Variants in EPHX1 observed in about 807,000 individuals in gnomAD.
EPHX1 encodes the protein epoxide hydratase.
Under a neutral mutation model 43.2 loss-of-function variants are expected in EPHX1, and 40 were observed. That is an observed-to-expected ratio of 0.93 (90% CI 0.72 to 1.21). The LOEUF is 1.21. EPHX1 is among the 50% of genes most tolerant of loss of function. The pLI is 0.00. For synonymous variants in EPHX1, 221 were observed against 226.7 expected, an observed-to-expected ratio of 0.98 and a Z score of 0.22; for missense variants, 550 against 570.4, an observed-to-expected ratio of 0.96 and a Z score of 0.36.
intron 2 of EPHX1, 87 bp downstream of exon 2, chr1:225,828,999 G>A: frequency 1.4e-6 from 2 of 1,447,546 alleles, no homozygotes; most frequent in South Asian, 1.2e-5. Flanking sequence ...AGATGCGGGA[G>A]GGGACGGGGG....
In EPHX1 at chr1:225,833,765, A is replaced by G. The variant is rs1044468646; in HGVS notation, c.364+1806A>G. Among the ~76,000 whole-genome samples the G allele has an allele frequency of 2.1e-5, 3 of 144,764 alleles. No individual in the cohort carries two copies. The Admixed American group carries it at 2.2e-4, about 10-fold the overall frequency. The allele number at this position is 144,764 out of a possible 152,430, so 95.0% of individuals were successfully genotyped here. A position where few individuals can be genotyped will look rare whatever the true frequency, so the allele number is the denominator to read the frequency against. ...AGCTGAGATCACACCACTGCACTCC[A>G]GCCTGGGCGACAGAATGAGACTCTG... is the stretch of plus-strand genomic sequence containing the variant. On this transcript the variant is annotated intron_variant, in intron 3 of 8. Coordinates refer to ENST00000272167, the MANE Select transcript of EPHX1 (RefSeq NM_001136018.4).
intron 2 of EPHX1, 34 bp from the exon 3 acceptor site, chr1:225,831,744 TC>T: frequency 6.2e-7 from 1 of 1,609,316 alleles, no homozygotes; most frequent in Non-Finnish European, 8.5e-7. Context: ...GTCCTTCCCA[TC>T]CCTCTCAACT....
At chr1:225,844,376 C>A in intron 7 of EPHX1, 122 bp from the exon 8 acceptor site, 2 of 1,455,906 alleles carry the variant, frequency 1.4e-6, no homozygotes, top group Non-Finnish European at 1.9e-6. Context: ...ACACACGTTG[C>A]ATGAGGTCTG....
intron 1 of EPHX1, among the ~76,000 whole-genome samples, chr1:225,823,952 G>A (rs571092773): frequency 6.6e-5 from 10 of 152,224 alleles, no homozygotes; most frequent in Admixed American, 3.3e-4. Context: ...ACATAAAGCC[G>A]CAGCCCTGGC....
In EPHX1 at chr1:225,842,435, A is replaced by G. The variant is rs377753818; in HGVS notation, c.1001A>G (p.Asn334Ser). ...YILEKFSTWT[N>S]TEFRYLEDGG... ...CTAGAGAAGTTTTCCACCTGGACCA[A>G]TACGGAATTCCGATACCTGGAGGAT... Residue 334 changes from asparagine to serine, a missense_variant, in exon 7 of 9, where the codon AAT (asparagine) becomes AGT (serine). Coordinates refer to ENST00000272167, the MANE Select transcript of EPHX1 (RefSeq NM_001136018.4). The G allele has an allele frequency of 2.0e-5, 32 of 1,613,964 alleles. No individual in the cohort carries two copies. Among genetic ancestry groups the G allele is most frequent in the African/African-American group, 9.3e-5 (7 of 74,922 alleles).
intron 1 of EPHX1, among the ~76,000 whole-genome samples, chr1:225,827,530 G>A (rs766577386): frequency 5.9e-5 from 9 of 152,288 alleles, no homozygotes; most frequent in Middle Eastern, 6.8e-3. Flanking sequence ...GATCAAAAAA[G>A]ACACAGGAGT....
chr1:225,844,053 TTAA>T (rs1268345520), intron 7 of EPHX1, among the ~76,000 whole-genome samples: 1 of 152,086 alleles, frequency 6.6e-6, no homozygotes, highest in East Asian at 1.9e-4. Context: ...GATTCTCCAC[TTAA>T]TAAGTAAAAT....
intron 5 of EPHX1, among the ~76,000 whole-genome samples, 162 bp downstream of exon 5, chr1:225,839,508 C>T (rs1277248446): frequency 2.0e-5 from 3 of 152,026 alleles, no homozygotes; most frequent in African/African-American, 7.3e-5. Context: ...TGACTTGGAT[C>T]CTCCTGTCTG....
At chr1:225,830,412 T>G (rs926864533) in intron 2 of EPHX1, among the ~76,000 whole-genome samples, 9 of 152,226 alleles carry the variant, frequency 5.9e-5, no homozygotes, top group African/African-American at 1.9e-4. Context: ...CCTCTGGGGC[T>G]GGCCTTTTAG....
intron 8 of EPHX1, 93 bp downstream of exon 8, chr1:225,844,716 A>C (rs1034794308): frequency 1.3e-5 from 21 of 1,570,532 alleles, no homozygotes; most frequent in African/African-American, 4.0e-5. Flanking sequence ...TGGTGGTGGG[A>C]TAAGTATAGC....
chr1:225,831,065 T>C (rs56287756), intron 2 of EPHX1, among the ~76,000 whole-genome samples: 14,284 of 152,088 alleles, frequency 0.094, 1,125 homozygotes, highest in East Asian at 0.23. Flanking sequence ...TAAAGTTTTA[T>C]TGGAACACAG....
chr1:225,832,061 C>A (rs963945635), intron 3 of EPHX1, 102 bp downstream of exon 3: 4 of 1,299,972 alleles, frequency 3.1e-6, no homozygotes, highest in Non-Finnish European at 3.3e-6. Context: ...GATTCAGAAC[C>A]CAATTATAGG....
At chr1:225,831,011 A>G (rs961577863) in intron 2 of EPHX1, among the ~76,000 whole-genome samples, 1 of 152,202 alleles carries the variant, frequency 6.6e-6, no homozygotes, top group African/African-American at 2.4e-5. Context: ...ATTGGAACAC[A>G]GCCACCCCCA....
intron 2 of EPHX1, among the ~76,000 whole-genome samples, chr1:225,831,275 G>A (rs1328261854): frequency 1.3e-5 from 2 of 152,180 alleles, no homozygotes; most frequent in Admixed American, 1.3e-4. Flanking sequence ...TGAGCTGGGC[G>A]CAGTGGCTTA....
intron 7 of EPHX1, among the ~76,000 whole-genome samples, 182 bp from the exon 8 acceptor site, chr1:225,844,316 C>T (rs555389676): frequency 6.6e-5 from 10 of 152,178 alleles, no homozygotes; most frequent in South Asian, 2.1e-4. Context: ...TAAATCCATG[C>T]GCTCCAGTCT....
intron 1 of EPHX1, among the ~76,000 whole-genome samples, chr1:225,826,945 G>C (rs376602980): frequency 2.0e-5 from 3 of 152,208 alleles, no homozygotes; most frequent in East Asian, 1.9e-4. Context: ...ACGCGGAGGT[G>C]GGGGGTGCCA....
intron 7 of EPHX1, among the ~76,000 whole-genome samples, chr1:225,842,694 G>GA (rs1362294730): frequency 6.6e-6 from 1 of 152,238 alleles, no homozygotes; most frequent in African/African-American, 2.4e-5. Flanking sequence ...TCAAGACTAG[G>GA]ATGCAGGCTC....
In EPHX1 at chr1:225,828,912, C is replaced by G. The variant is rs374642223; in HGVS notation, c.183C>G (p.His61Gln). 11 of 1,566,752 alleles carry G rather than the reference C, an allele frequency of 7.0e-6. No individual in the cohort carries two copies. In the African/African-American group the frequency reaches 1.5e-4, roughly 21 times the overall value. Residue 61 changes from histidine (H) to glutamine (Q), a missense_variant and splice_region_variant, in exon 2 of 9, where the codon CAC (histidine) becomes CAG (glutamine). By Grantham distance (24) the His-to-Gln change is conservative. Transcript: ENST00000272167. ...TGGAAACGTCAGATGAGGAGATCCACGTAAGGCACCTTGGGCCGGGCCGGG... is the reference window on the plus strand; with the variant it reads ...TGGAAACGTCAGATGAGGAGATCCAGGTAAGGCACCTTGGGCCGGGCCGGG... ...FKVETSDEEI[H>Q]DLHQRIDKFR...
chr1:225,833,601 G>A (rs945488831), intron 3 of EPHX1, among the ~76,000 whole-genome samples: 27 of 149,646 alleles, frequency 1.8e-4, no homozygotes, highest in African/African-American at 6.2e-4. Context: ...TGAGACCATC[G>A]TAGCTAACAC....
Sources: gnomAD v4.1 joint callset for allele counts (sites outside exome capture counted in the v4.1 genomes callset) on GRCh38, gnomAD v4.1.1 for gene constraint, MANE v1.5 for transcripts, NCBI Gene and HGNC (gene_info 2026-07-23, HGNC 2026-07-21) for gene names.